The following ANO4 variants were observed in gnomAD, a reference collection of about 807,000 sequenced individuals.
ANO4 encodes the protein anoctamin-4.
A neutral mutation model predicts 141.9 loss-of-function variants in ANO4; 69 were observed. The observed-to-expected ratio is 0.49, with a 90% CI of 0.40 to 0.59. ANO4 has a LOEUF of 0.59. Ranked by LOEUF, ANO4 falls within the 20% of genes least tolerant of loss-of-function variation. The pLI is 0.00. For missense variants in ANO4, 894 were observed against 1,162.2 expected (o/e 0.77, Z 3.36); for synonymous variants, 350 against 394.3 (o/e 0.89, Z 1.33).
At chr12:100,853,747 T>G (rs1267145970) in intron 1 of ANO4, among the ~76,000 whole-genome samples, 1 of 152,162 alleles carries the variant, frequency 6.6e-6, no homozygotes, top group Non-Finnish European at 1.5e-5. Flanking sequence ...ATGTTTTACG[T>G]GTATATTTAT....
rs544436488 is a variant in ANO4, at chr12:101,120,839, G to A, written c.2676+214G>A. Among the ~76,000 whole-genome samples, 13 of 152,208 alleles carry A rather than the reference G, an allele frequency of 8.5e-5. No individual in the cohort carries two copies. The South Asian group carries it at 2.7e-3, about 32-fold the overall frequency. ...TGAAAGTCCATAGTTGGTTTTTAATGGACAAATCTGAACTCGTTGCTCCTA... is the reference window on the plus strand; with the variant it reads ...TGAAAGTCCATAGTTGGTTTTTAATAGACAAATCTGAACTCGTTGCTCCTA... On this transcript the variant is annotated intron_variant, in intron 26 of 27. Transcript: ENST00000392977.
At chr12:100,933,874 T>C in intron 3 of ANO4, among the ~76,000 whole-genome samples, 2 of 152,248 alleles carry the variant, frequency 1.3e-5, no homozygotes, top group South Asian at 4.1e-4. Context: ...TTTTTTCATG[T>C]GTCTGTTGGC....
chr12:101,111,608 T>C lies in ANO4; in HGVS notation c.2348T>C (p.Ile783Thr). 1.2e-6 allele frequency: 2 copies of C among 1,612,274 alleles called. No homozygotes were observed. Among genetic ancestry groups the C allele is most frequent in the Non-Finnish European group, 1.7e-6 (2 of 1,179,242 alleles). Residue 783 changes from isoleucine to threonine, a missense_variant, in exon 24 of 28, where the codon ATC (isoleucine) becomes ACC (threonine). Physicochemically the swap from Ile to Thr is moderately conservative, Grantham distance 89 (BLOSUM62 -1). Transcript: ENST00000392977. ...ILEGIGILSV[I>T]TNAFVIAITS... The stretch of plus-strand genomic sequence containing the variant: ...GAAGGCATTGGAATTCTCTCTGTTA[T>C]CACAAATGCATTTGTCATAGCGATA...
At chr12:100,929,507 T>G (rs1005950803) in intron 3 of ANO4, among the ~76,000 whole-genome samples, 1 of 152,158 alleles carries the variant, frequency 6.6e-6, no homozygotes, top group Non-Finnish European at 1.5e-5. Context: ...TTTCTTTATC[T>G]GTTCATCTGT....
intron 9 of ANO4, among the ~76,000 whole-genome samples, chr12:101,027,608 G>C (rs868860921): frequency 1.3e-5 from 2 of 152,280 alleles, no homozygotes; most frequent in South Asian, 2.1e-4. Context: ...CAACAAGAGC[G>C]CCTCTTCAGG....
intron 5 of ANO4, among the ~76,000 whole-genome samples, chr12:100,947,506 C>A (rs111675387): frequency 2.6e-5 from 4 of 152,110 alleles, no homozygotes; most frequent in Non-Finnish European, 5.9e-5. Flanking sequence ...AAATGTAGTA[C>A]GCTTTAAAAA....
chr12:100,866,249 T>C (rs10507122), intron 1 of ANO4, among the ~76,000 whole-genome samples: 18,638 of 152,164 alleles, frequency 0.12, 1,221 homozygotes, highest in South Asian at 0.17. Flanking sequence ...CTATGTTGGA[T>C]AATTTTACTT....
chr12:100,744,060 T>C, intron 3 of ANO4, among the ~76,000 whole-genome samples: 1 of 152,200 alleles, frequency 6.6e-6, no homozygotes, highest in Non-Finnish European at 1.5e-5. Flanking sequence ...AATCCCCAGC[T>C]GCATACTGAT....
At chr12:100,929,803 A>C (rs773126681) in intron 3 of ANO4, among the ~76,000 whole-genome samples, 18 of 152,084 alleles carry the variant, frequency 1.2e-4, no homozygotes, top group Admixed American at 3.3e-4. Flanking sequence ...GATAAAAGCC[A>C]TTTTAACTGA....
At chr12:101,055,761 C>T (rs752255155) in intron 14 of ANO4, among the ~76,000 whole-genome samples, 2 of 151,842 alleles carry the variant, frequency 1.3e-5, no homozygotes, top group Non-Finnish European at 2.9e-5. Context: ...CTAAGATTTT[C>T]GTCTATATTG....
At chr12:101,058,691 GTGATTTTTGCACAT>G (rs1358751810) in intron 14 of ANO4, among the ~76,000 whole-genome samples, 1 of 152,114 alleles carries the variant, frequency 6.6e-6, no homozygotes, top group Non-Finnish European at 1.5e-5. Context: ...AAGAATGCTT[GTGATTTTTGCACAT>G]TGATTTTGTA....
chr12:100,851,245 G>A (rs11110555), intron 1 of ANO4, among the ~76,000 whole-genome samples: 27,513 of 152,076 alleles, frequency 0.18, 2,939 homozygotes, highest in Middle Eastern at 0.29. Flanking sequence ...TTAAAAACAT[G>A]CACAATTATA....
At chr12:100,883,196 A>G (rs1295215100) in intron 1 of ANO4, among the ~76,000 whole-genome samples, 2 of 152,236 alleles carry the variant, frequency 1.3e-5, no homozygotes, top group Non-Finnish European at 2.9e-5. Context: ...TCCGTAAAAC[A>G]TTTGAGAGAG....
At chr12:101,092,460 T>C (rs994863219) in intron 17 of ANO4, among the ~76,000 whole-genome samples, 1 of 152,156 alleles carries the variant, frequency 6.6e-6, no homozygotes, top group Non-Finnish European at 1.5e-5. Context: ...GTGGTTTATC[T>C]CTCAACCGTC....
intron 1 of ANO4, among the ~76,000 whole-genome samples, chr12:100,841,491 T>G (rs1446252689): frequency 1.3e-5 from 2 of 152,116 alleles, no homozygotes; most frequent in Non-Finnish European, 2.9e-5. Flanking sequence ...TGGTAAATGC[T>G]ACAAAGAAAG....
At chr12:100,744,248 G>T (rs1288506323) in intron 3 of ANO4, among the ~76,000 whole-genome samples, 1 of 152,098 alleles carries the variant, frequency 6.6e-6, no homozygotes, top group African/African-American at 2.4e-5. Flanking sequence ...TTTAATGCTG[G>T]CATAGTCTCA....
chr12:100,834,520 T>C (rs1468648174), intron 1 of ANO4, among the ~76,000 whole-genome samples: 1 of 151,798 alleles, frequency 6.6e-6, no homozygotes, highest in Non-Finnish European at 1.5e-5. Flanking sequence ...CTAAAGTTTG[T>C]ATATTCATGA....
rs765480171 is a variant in ANO4, at chr12:100,939,443, G to A, written c.289G>A (p.Gly97Arg). ...TSDDASRLEA[G>R]GETVPERNKS... Reference sequence around the variant, plus strand: ...AGATGATGCCAGCAGATTGGAAGCCGGGGGAGAGGTAAGAGTATATGATTT... The same window carrying A: ...AGATGATGCCAGCAGATTGGAAGCCAGGGGAGAGGTAAGAGTATATGATTT... The change falls in exon 4 of 28, where the codon GGG becomes AGG. Residue 97 changes from glycine to arginine, a missense_variant. Gly to Arg is a moderately radical substitution (Grantham distance 125, BLOSUM62 -2). This residue lies in a region of ANO4 where 257 missense variants were observed against 253.0 expected (regional missense o/e 1.02). Coordinates refer to ENST00000392977, the MANE Select transcript of ANO4 (RefSeq NM_001286615.2). 20 of 1,612,864 alleles carry A rather than the reference G, an allele frequency of 1.2e-5. No individual in the cohort carries two copies. Among genetic ancestry groups the A allele is most frequent in the African/African-American group, 5.3e-5 (4 of 74,860 alleles).
chr12:100,856,534 T>C (rs2038181452), intron 1 of ANO4, among the ~76,000 whole-genome samples: 1 of 152,050 alleles, frequency 6.6e-6, no homozygotes, highest in Non-Finnish European at 1.5e-5. Context: ...AATGGCAGGA[T>C]AAGACAATGA....
Sources: allele counts gnomAD v4.1 joint callset (sites outside exome capture counted in the v4.1 genomes callset), GRCh38; gene constraint gnomAD v4.1.1; regional missense constraint gnomAD v4.1.1; transcripts MANE v1.5; gene names NCBI Gene and HGNC (gene_info 2026-07-23, HGNC 2026-07-21).